Variants in KCNMA1 observed in about 807,000 individuals in gnomAD.
The protein encoded by KCNMA1 is Calcium-activated potassium channel subunit alpha-1.
A neutral mutation model predicts 140.0 loss-of-function variants in KCNMA1; 29 were observed. The observed-to-expected ratio is 0.21, with a 90% CI of 0.15 to 0.28. The LOEUF (loss-of-function observed/expected upper bound fraction) is 0.28. Among genes scored for constraint, KCNMA1 ranks in the 10% least tolerant of loss-of-function variants. The pLI, the probability that KCNMA1 is intolerant of heterozygous loss-of-function variation, is 1.00. For missense variants in KCNMA1, 880 were observed against 1,602.2 expected (o/e 0.55, Z 7.70); for synonymous variants, 612 against 611.9 (o/e 1.00, Z 0.00).
At chr10:77,205,336 G>A (rs1164093964) in intron 3 of KCNMA1, among the ~76,000 whole-genome samples, 1 of 152,164 alleles carries the variant, frequency 6.6e-6, no homozygotes, top group Non-Finnish European at 1.5e-5. Flanking sequence ...TATCAAATAG[G>A]AGGAAGTCAG....
chr10:77,045,935 A>C (rs1398934947), intron 14 of KCNMA1, among the ~76,000 whole-genome samples: 2 of 152,214 alleles, frequency 1.3e-5, no homozygotes, highest in African/African-American at 4.8e-5. Context: ...ACTAGTCCTT[A>C]TTTAATTGAA....
chr10:77,391,705 C>A (rs1183428702), intron 2 of KCNMA1, among the ~76,000 whole-genome samples: 1 of 151,866 alleles, frequency 6.6e-6, no homozygotes, highest in African/African-American at 2.4e-5. Flanking sequence ...TTTTAGTGCA[C>A]CAAATTGGGC....
intron 2 of KCNMA1, 141 bp downstream of exon 2, chr10:77,403,721 G>A (rs1004766202): frequency 3.2e-5 from 24 of 740,466 alleles, no homozygotes; most frequent in East Asian, 2.1e-4. Context: ...CCATGACCAC[G>A]CGGGAGCACT....
chr10:77,138,671 C>T (rs1374206592), intron 5 of KCNMA1, among the ~76,000 whole-genome samples: 1 of 152,210 alleles, frequency 6.6e-6, no homozygotes, highest in Non-Finnish European at 1.5e-5. Context: ...ATCCATCTCA[C>T]TAAAATTACT....
intron 3 of KCNMA1, among the ~76,000 whole-genome samples, chr10:77,219,032 T>C (rs930862778): frequency 6.6e-6 from 1 of 152,146 alleles, no homozygotes; most frequent in South Asian, 2.1e-4. Flanking sequence ...TAGCCCAAAT[T>C]CTTTCAGATC....
rs536518760 is a variant in KCNMA1, at chr10:77,274,692, C to T, written c.541-23436G>A. ...ATGCCACAAAGCCGGGCTGGCTAAC[C>T]CCGACTCCATTTGTCATCCCAGAGA... On this transcript the variant is annotated intron_variant, in intron 2 of 27. Transcript: ENST00000286628. Among the ~76,000 whole-genome samples, 3 of 152,312 alleles carry T rather than the reference C, an allele frequency of 2.0e-5. No homozygotes were observed. In the South Asian group the frequency reaches 6.2e-4, roughly 32 times the overall value.
At chr10:76,909,213 T>C (rs1410876580) in intron 25 of KCNMA1, among the ~76,000 whole-genome samples, 1 of 152,102 alleles carries the variant, frequency 6.6e-6, no homozygotes, top group Non-Finnish European at 1.5e-5. Flanking sequence ...ATGCTCAATC[T>C]TTTCCCAAGT....
intron 1 of KCNMA1, among the ~76,000 whole-genome samples, chr10:77,524,050 A>G (rs2054606804): frequency 6.6e-6 from 1 of 151,990 alleles, no homozygotes; most frequent in Non-Finnish European, 1.5e-5. Flanking sequence ...AAAACATCTC[A>G]TGGGCTCCAT....
At chr10:77,079,394 G>GTA in intron 13 of KCNMA1, 87 bp downstream of exon 13, 1 of 772,946 alleles carries the variant, frequency 1.3e-6, no homozygotes. Flanking sequence ...GTGTGTGTGT[G>GTA]TGTGTGTGTG....
chr10:77,459,576 A>G (rs1254395318), intron 1 of KCNMA1, among the ~76,000 whole-genome samples: 2 of 152,340 alleles, frequency 1.3e-5, no homozygotes, highest in Non-Finnish European at 2.9e-5. Context: ...GAGCGTCCCC[A>G]TTAGGCAGGC....
At chr10:77,408,151 C>T (rs552635728) in intron 1 of KCNMA1, among the ~76,000 whole-genome samples, 23 of 152,306 alleles carry the variant, frequency 1.5e-4, no homozygotes, top group African/African-American at 4.6e-4. Flanking sequence ...AAGATGAGAA[C>T]GCTGAGGACC....
intron 1 of KCNMA1, among the ~76,000 whole-genome samples, chr10:77,541,767 A>T (rs969536830): frequency 6.6e-6 from 1 of 152,302 alleles, no homozygotes; most frequent in Admixed American, 6.5e-5. Context: ...CTCAAAGAAA[A>T]GGCCAGTGAT....
chr10:76,949,868 G>A (rs999998029), intron 21 of KCNMA1, among the ~76,000 whole-genome samples: 8 of 152,154 alleles, frequency 5.3e-5, no homozygotes, highest in African/African-American at 1.9e-4. Flanking sequence ...TCAGTGAGAT[G>A]TCCGTGCATC....
exon 28 of KCNMA1, chr10:76,870,792 G>T (rs2031144676): frequency 6.6e-6 from 1 of 152,240 alleles, no homozygotes. Flanking sequence ...GTGGCCGAGT[G>T]ACTGCCCACG....
At chr10:77,005,262 C>G (rs2088053944) in intron 18 of KCNMA1, among the ~76,000 whole-genome samples, 1 of 152,188 alleles carries the variant, frequency 6.6e-6, no homozygotes, top group South Asian at 2.1e-4. Flanking sequence ...TCAATGGCTT[C>G]TCATGATCCA....
chr10:77,164,732 A>C (rs1005120271), intron 5 of KCNMA1, among the ~76,000 whole-genome samples: 17 of 152,172 alleles, frequency 1.1e-4, no homozygotes, highest in African/African-American at 3.9e-4. Flanking sequence ...ACCCAGAGCC[A>C]GATAATAGAG....
intron 5 of KCNMA1, among the ~76,000 whole-genome samples, chr10:77,152,433 A>G (rs943852547): frequency 8.5e-5 from 13 of 152,116 alleles, no homozygotes; most frequent in African/African-American, 2.9e-4. Flanking sequence ...AAACACCAGT[A>G]AGGGAACAGG....
intron 1 of KCNMA1, among the ~76,000 whole-genome samples, chr10:77,466,788 G>A (rs1426240954): frequency 6.6e-6 from 1 of 152,100 alleles, no homozygotes; most frequent in African/African-American, 2.4e-5. Context: ...ACCCTTCACA[G>A]AACTGAGGGC....
chr10:77,083,156 G>A (rs544619013), intron 12 of KCNMA1, among the ~76,000 whole-genome samples: 1 of 152,226 alleles, frequency 6.6e-6, no homozygotes, highest in African/African-American at 2.4e-5. Context: ...AATGCAGTGG[G>A]ACGGAAATCC....
Sources: allele counts gnomAD v4.1 joint callset (sites outside exome capture counted in the v4.1 genomes callset), GRCh38; gene constraint gnomAD v4.1.1; transcripts MANE v1.5; gene names NCBI Gene and HGNC (gene_info 2026-07-23, HGNC 2026-07-21).